GRM5: variants seen among roughly 807,000 people sequenced by gnomAD.
The protein encoded by GRM5 is metabotropic glutamate receptor 5.
In GRM5, 19 loss-of-function variants were observed where a neutral mutation model predicts 83.1. The observed-to-expected ratio is 0.23, with a 90% confidence interval of 0.16 to 0.34. The LOEUF (loss-of-function observed/expected upper bound fraction) is 0.34. GRM5 is among the 10% of genes least tolerant of loss of function. The probability of loss-of-function intolerance (pLI) is 1.00; values close to 1 mark genes in which losing one functional copy is unlikely to be tolerated. For synonymous variants in GRM5, 675 were observed against 633.6 expected (o/e 1.07, Z -0.98); for missense variants, 1,160 against 1,588.3 (o/e 0.73, Z 4.58).
At chr11:88,821,601 C>T (rs1236924965) in intron 3 of GRM5, among the ~76,000 whole-genome samples, 1 of 152,132 alleles carries the variant, frequency 6.6e-6, no homozygotes, top group Non-Finnish European at 1.5e-5. Context: ...TATTCCCAAG[C>T]TCTAGTCTGA....
At chr11:88,653,698 T>C (rs1591414619) in intron 3 of GRM5, among the ~76,000 whole-genome samples, 1 of 152,040 alleles carries the variant, frequency 6.6e-6, no homozygotes, top group African/African-American at 2.4e-5. Context: ...ATATAGTATA[T>C]ACATGGAAGC....
At chr11:88,907,873 C>T (rs892624269) in intron 2 of GRM5, among the ~76,000 whole-genome samples, 4 of 152,062 alleles carry the variant, frequency 2.6e-5, no homozygotes, top group Non-Finnish European at 5.9e-5. Flanking sequence ...GAAAATTTGG[C>T]AGTGGTGATG....
chr11:88,580,164 C>A (rs559976484), intron 7 of GRM5, among the ~76,000 whole-genome samples: 1 of 152,186 alleles, frequency 6.6e-6, no homozygotes, highest in African/African-American at 2.4e-5. Flanking sequence ...AGGTAAAGAC[C>A]TGGATTTCAG....
chr11:88,803,381 G>A (rs1424961120), intron 3 of GRM5, among the ~76,000 whole-genome samples: 7 of 151,888 alleles, frequency 4.6e-5, no homozygotes, highest in East Asian at 1.9e-4. Context: ...AAATAACACC[G>A]CATATCTACA....
intron 1 of GRM5, among the ~76,000 whole-genome samples, chr11:89,048,960 C>T (rs766697688): frequency 1.5e-4 from 23 of 152,230 alleles, no homozygotes; most frequent in Non-Finnish European, 1.3e-4. Context: ...AAGATATCAA[C>T]GAAATAAACG....
chr11:88,754,259 G>A (rs1072828), intron 3 of GRM5, among the ~76,000 whole-genome samples: 3,383 of 152,108 alleles, frequency 0.022, 201 homozygotes, highest in Admixed American at 0.14. Context: ...AGGGAGGGGA[G>A]CAACACACAC....
chr11:88,951,433 A>G (rs1268299497), intron 2 of GRM5, among the ~76,000 whole-genome samples: 5 of 152,246 alleles, frequency 3.3e-5, no homozygotes, highest in Non-Finnish European at 7.3e-5. Context: ...TGCAGGTTAT[A>G]TGGCCTGTCT....
At chr11:88,756,558 T>C (rs1341656142) in intron 3 of GRM5, among the ~76,000 whole-genome samples, 1 of 152,162 alleles carries the variant, frequency 6.6e-6, no homozygotes, top group African/African-American at 2.4e-5. Context: ...TTTGAGTTTC[T>C]ATAAAATGTA....
intron 9 of GRM5, among the ~76,000 whole-genome samples, chr11:88,524,442 T>C (rs308877): frequency 0.064 from 9,668 of 152,066 alleles, 516 homozygotes; most frequent in African/African-American, 0.14. Flanking sequence ...GTTCTTGAAC[T>C]CCTGACCTCA....
chr11:88,845,423 C>CTTTTT lies in GRM5; in HGVS notation c.911+4478_911+4482dup, dbSNP rs71046265. On this transcript the variant is annotated intron_variant, in intron 3 of 9. Coordinates refer to ENST00000305447, the MANE Select transcript of GRM5 (RefSeq NM_001143831.3). ...AGGCTACAGTACAGTATAAACATAA[C>CTTTTT]TTTTTTTTTTTTTTTTTTTTTTTTT... is the stretch of plus-strand genomic sequence containing the variant. Among the ~76,000 whole-genome samples, 286 of 92,414 alleles carry CTTTTT rather than the reference C, an allele frequency of 3.1e-3. 42 individuals carry two copies. The highest frequency in any genetic ancestry group is 0.015 in the Middle Eastern group (2 of 132). The allele number at this position is 92,414 out of a possible 152,430, so 60.6% of individuals were successfully genotyped here. A position where few individuals can be genotyped will look rare whatever the true frequency, so the allele number is the denominator to read the frequency against.
chr11:88,644,571 C>A (rs1939389089), intron 4 of GRM5, among the ~76,000 whole-genome samples: 1 of 152,114 alleles, frequency 6.6e-6, no homozygotes, highest in African/African-American at 2.4e-5. Context: ...ACTGTAGTTA[C>A]TTCAGCATCT....
intron 3 of GRM5, among the ~76,000 whole-genome samples, chr11:88,847,213 G>T (rs1292701505): frequency 2.0e-5 from 3 of 152,062 alleles, no homozygotes; most frequent in East Asian, 3.8e-4. Flanking sequence ...TAATATTTAG[G>T]TTGTTCTTAG....
intron 2 of GRM5, among the ~76,000 whole-genome samples, chr11:88,887,211 G>A (rs1321752128): frequency 2.0e-5 from 3 of 152,114 alleles, no homozygotes; most frequent in Non-Finnish European, 4.4e-5. Context: ...CAGGAAAATT[G>A]CCATTTAGTC....
At position 88,922,174 on chromosome 11, in the gene GRM5, C is replaced by T. The variant is rs145012646; in HGVS notation, c.662-72019G>A. Reference sequence around the variant, plus strand: ...TGCCCATAACACCCAAAGCAATCTGCGATTCAAAGAAATTTCTATCAAAAT... The same window carrying T: ...TGCCCATAACACCCAAAGCAATCTGTGATTCAAAGAAATTTCTATCAAAAT... On this transcript the variant is annotated intron_variant, in intron 2 of 9. Transcript: ENST00000305447. Among the ~76,000 whole-genome samples the T allele has an allele frequency of 2.7e-3, 407 of 152,108 alleles. 8 individuals carry two copies. Among genetic ancestry groups the T allele is most frequent in the Non-Finnish European group, 2.2e-3 (149 of 67,974 alleles).
chr11:88,974,374 GAGATAGATAGATAGATAGAT>G (rs71046273), intron 2 of GRM5, among the ~76,000 whole-genome samples: 11 of 147,826 alleles, frequency 7.4e-5, no homozygotes, highest in East Asian at 4.0e-4. Context: ...CCTGGCAATA[GAGATAGATAGATAGATAGAT>G]AGATAGATAG....
chr11:88,586,075 CATAAT>C (rs1246902557), intron 7 of GRM5, among the ~76,000 whole-genome samples: 1 of 151,674 alleles, frequency 6.6e-6, no homozygotes, highest in Non-Finnish European at 1.5e-5. Flanking sequence ...GATACATTCT[CATAAT>C]ATCATTCAAT....
At chr11:89,049,285 G>A (rs1941708353) in intron 1 of GRM5, among the ~76,000 whole-genome samples, 1 of 151,996 alleles carries the variant, frequency 6.6e-6, no homozygotes, top group African/African-American at 2.4e-5. Context: ...TAAATTCCTG[G>A]GAAGAAAGAA....
At chr11:88,516,267 G>A (rs1209153460) in intron 9 of GRM5, among the ~76,000 whole-genome samples, 1 of 152,126 alleles carries the variant, frequency 6.6e-6, no homozygotes, top group African/African-American at 2.4e-5. Context: ...AGTCGACCAA[G>A]TCAAAGTAAA....
rs1186095748 is a variant in GRM5, at chr11:88,623,682, G to A, written c.1148-18718C>T. Reference sequence around the variant, plus strand: ...GGCAGCTGTATTCCAGGAATCTGGAGAAAGCTAAGTACAGCAAAAGAATGA... The same window carrying A: ...GGCAGCTGTATTCCAGGAATCTGGAAAAAGCTAAGTACAGCAAAAGAATGA... On this transcript the variant is annotated intron_variant, in intron 4 of 9. Transcript: ENST00000305447. Among the ~76,000 whole-genome samples the A allele has an allele frequency of 2.0e-5, 3 of 152,190 alleles. No homozygotes were observed. In the East Asian group the frequency reaches 5.8e-4, roughly 29 times the overall value.
Sources: gnomAD v4.1 joint callset for allele counts (sites outside exome capture counted in the v4.1 genomes callset) on GRCh38, gnomAD v4.1.1 for gene constraint, MANE v1.5 for transcripts, NCBI Gene and HGNC (gene_info 2026-07-23, HGNC 2026-07-21) for gene names.